NXPH1: variants seen among roughly 807,000 people sequenced by gnomAD.
The protein encoded by NXPH1 is neurexophilin-1.
NXPH1 carries 5 observed loss-of-function variants against 23.7 expected under a neutral mutation model. That is an observed-to-expected ratio of 0.21 (90% CI 0.11 to 0.44). The LOEUF (loss-of-function observed/expected upper bound fraction) is 0.44, where lower values mean the gene tolerates loss of function less well. Among genes scored for constraint, NXPH1 ranks in the 20% least tolerant of loss-of-function variants. The pLI is 0.99. For missense variants in NXPH1, 324 were observed against 321.6 expected, an observed-to-expected ratio of 1.01 and a Z score of -0.06; for synonymous variants, 144 against 122.2, an observed-to-expected ratio of 1.18 and a Z score of -1.18.
intron 2 of NXPH1, among the ~76,000 whole-genome samples, chr7:8,739,282 A>G (rs1411417697): frequency 6.8e-6 from 1 of 146,436 alleles, no homozygotes; most frequent in Non-Finnish European, 1.5e-5. Flanking sequence ...TGGTATAGGC[A>G]CCCGAGGGAA....
rs570834897 is a variant in NXPH1 at position 8,442,014 on chromosome 7, G to A, written c.54+6247G>A. Among the ~76,000 whole-genome samples the A allele has an allele frequency of 6.6e-6, 1 of 152,216 alleles. No homozygotes were observed. Among genetic ancestry groups the A allele is most frequent in the Admixed American group, 6.5e-5 (1 of 15,302 alleles). On this transcript the variant is annotated intron_variant, in intron 2 of 2. Transcript: ENST00000405863. The surrounding 1 kb of genome is among the most constrained non-coding windows in gnomAD (Gnocchi z 4.6). ...TCCTTAGGCGTCTAGTCAGGGGTTC[G>A]GGGTGGTGGAAAGCGAGATGGCGTT...
intron 2 of NXPH1, among the ~76,000 whole-genome samples, chr7:8,560,050 C>T (rs1452149075): frequency 2.1e-4 from 32 of 151,678 alleles, no homozygotes; most frequent in Admixed American, 2.1e-3. Flanking sequence ...AAGAAGGACT[C>T]CTTTTCATTT....
At chr7:8,499,551 C>T (rs1227737219) in intron 2 of NXPH1, among the ~76,000 whole-genome samples, 1 of 152,078 alleles carries the variant, frequency 6.6e-6, no homozygotes, top group African/African-American at 2.4e-5. Flanking sequence ...GCTACAAAAA[C>T]AGACAGTGCA....
At chr7:8,685,018 G>T (rs1821123945) in intron 2 of NXPH1, among the ~76,000 whole-genome samples, 1 of 151,984 alleles carries the variant, frequency 6.6e-6, no homozygotes, top group South Asian at 2.1e-4. Context: ...TAGAAGTAAG[G>T]GAACTTTGTT....
chr7:8,545,215 T>C (rs1344023947), intron 2 of NXPH1, among the ~76,000 whole-genome samples: 2 of 151,350 alleles, frequency 1.3e-5, no homozygotes, highest in East Asian at 3.9e-4. Context: ...ATGGAGGGAG[T>C]AGAAGATTGA....
At chr7:8,465,599 G>A (rs989722732) in intron 2 of NXPH1, among the ~76,000 whole-genome samples, 5 of 152,202 alleles carry the variant, frequency 3.3e-5, no homozygotes, top group African/African-American at 7.2e-5. Context: ...AAAGCAGGGG[G>A]CATTTTCACG....
At chr7:8,518,864 A>G (rs971412532) in intron 2 of NXPH1, among the ~76,000 whole-genome samples, 7 of 152,116 alleles carry the variant, frequency 4.6e-5, no homozygotes, top group African/African-American at 1.7e-4. Flanking sequence ...GAAGTAATAT[A>G]GGGGCAAGTT....
intron 2 of NXPH1, among the ~76,000 whole-genome samples, chr7:8,532,764 C>T (rs1817968660): frequency 6.6e-6 from 1 of 152,136 alleles, no homozygotes; most frequent in Non-Finnish European, 1.5e-5. Context: ...ATCACTCAAA[C>T]ATTCTATGGC....
chr7:8,598,988 G>A (rs1424116637), intron 2 of NXPH1, among the ~76,000 whole-genome samples: 2 of 152,090 alleles, frequency 1.3e-5, no homozygotes, highest in Admixed American at 6.6e-5. Flanking sequence ...TATGCATAAG[G>A]CATTGTGCTA....
At chr7:8,738,380 T>C (rs1780298814) in intron 2 of NXPH1, among the ~76,000 whole-genome samples, 1 of 152,238 alleles carries the variant, frequency 6.6e-6, no homozygotes, top group African/African-American at 2.4e-5. Context: ...GTTAGGACCC[T>C]CTGCTGCAGG....
Position 8,673,814 on chromosome 7 carries a change from A to G in NXPH1, c.55-77194A>G, listed in dbSNP as rs192742573. On this transcript the variant is annotated intron_variant, in intron 2 of 2. Coordinates refer to ENST00000405863, the MANE Select transcript of NXPH1 (RefSeq NM_152745.3). ...GTAGTAGCTACAGGAAGATAGTGCTACTTGAAAAAAAACACATCTTCCCCA... is the reference window on the plus strand; with the variant it reads ...GTAGTAGCTACAGGAAGATAGTGCTGCTTGAAAAAAAACACATCTTCCCCA... Among the ~76,000 whole-genome samples, 728 of 152,154 alleles carry G rather than the reference A, an allele frequency of 4.8e-3. 6 individuals carry two copies. Among genetic ancestry groups the G allele is most frequent in the Non-Finnish European group, 7.3e-3 (495 of 67,966 alleles).
rs892004988 is a variant in NXPH1, at chr7:8,653,417, T to A, written c.55-97591T>A. ...CCTTAACCATAAAAGCTGAGGTGAT[T>A]TCTATAGCGCTCGTAAGCTCTGGAC... On this transcript the variant is annotated intron_variant, in intron 2 of 2. Transcript: ENST00000405863. 8.5e-5 allele frequency among the ~76,000 whole-genome samples: 13 copies of A among 152,164 alleles called. No individual in the cohort carries two copies. In the South Asian group the frequency reaches 1.9e-3, roughly 22 times the overall value.
At chr7:8,718,498 C>T (rs1192172130) in intron 2 of NXPH1, among the ~76,000 whole-genome samples, 1 of 152,090 alleles carries the variant, frequency 6.6e-6, no homozygotes, top group Non-Finnish European at 1.5e-5. Context: ...AGTTTAATCC[C>T]CTGTTGAAAA....
At chr7:8,740,644 G>A (rs1432834298) in intron 2 of NXPH1, among the ~76,000 whole-genome samples, 1 of 151,976 alleles carries the variant, frequency 6.6e-6, no homozygotes, top group Non-Finnish European at 1.5e-5. Flanking sequence ...ATGCAGCTCT[G>A]TGGTACCTGA....
At chr7:8,490,352 G>T (rs1817228514) in intron 2 of NXPH1, among the ~76,000 whole-genome samples, 1 of 151,346 alleles carries the variant, frequency 6.6e-6, no homozygotes, top group South Asian at 2.1e-4. Flanking sequence ...CAATGTTACA[G>T]TAGGAGGTCT....
chr7:8,521,253 A>G (rs960689740), intron 2 of NXPH1, among the ~76,000 whole-genome samples: 3 of 152,176 alleles, frequency 2.0e-5, no homozygotes, highest in African/African-American at 7.2e-5. Flanking sequence ...CCTGCTTGGC[A>G]TCACTGATGT....
rs140052277 is a variant in NXPH1, at chr7:8,572,944, TA to T, written c.54+137178del. On this transcript the variant is annotated intron_variant, in intron 2 of 2. Transcript: ENST00000405863. ...AGGATTTGAAAAAACCTCAGTATGT[TA>T]TTTTTTTTCTGATTAAAAGTAATAC... 3.0e-3 allele frequency among the ~76,000 whole-genome samples: 459 copies of T among 152,138 alleles called. 2 individuals are homozygous for T. Among genetic ancestry groups the T allele is most frequent in the African/African-American group, 0.01 (432 of 41,520 alleles).
At chr7:8,558,345 G>A (rs1369990256) in intron 2 of NXPH1, among the ~76,000 whole-genome samples, 1 of 151,652 alleles carries the variant, frequency 6.6e-6, no homozygotes, top group Non-Finnish European at 1.5e-5. Context: ...TTCTTCCAGA[G>A]TGTTTTTCTC....
chr7:8,612,679 C>T (rs10243370), intron 2 of NXPH1, among the ~76,000 whole-genome samples: 11 of 151,770 alleles, frequency 7.2e-5, no homozygotes, highest in African/African-American at 2.7e-4. Flanking sequence ...GATATTAGAC[C>T]ACTACTTATT....
Sources: allele counts gnomAD v4.1 joint callset (sites outside exome capture counted in the v4.1 genomes callset), GRCh38; gene constraint gnomAD v4.1.1; non-coding constraint Gnocchi (gnomAD v3.1); transcripts MANE v1.5; gene names NCBI Gene and HGNC (gene_info 2026-07-23, HGNC 2026-07-21).